Variants in SNX18 observed in about 807,000 individuals in gnomAD.
SNX18 encodes the protein sorting nexin-18.
Under a neutral mutation model 48.7 loss-of-function variants are expected in SNX18, and 35 were observed. The observed-to-expected ratio is 0.72, with a 90% confidence interval of 0.55 to 0.95. The LOEUF (loss-of-function observed/expected upper bound fraction) is 0.95, where lower values mean the gene tolerates loss of function less well. Among genes scored for constraint, SNX18 ranks in the 40% least tolerant of loss-of-function variants. The probability of loss-of-function intolerance (pLI) is 0.00; values close to 1 mark genes in which losing one functional copy is unlikely to be tolerated. For missense variants in SNX18, 824 were observed against 871.0 expected (o/e 0.95, Z 0.68); for synonymous variants, 492 against 384.7 (o/e 1.28, Z -3.26).
chr5:54,623,925 G>C, the SNX18 span, among the ~76,000 whole-genome samples: 1 of 152,110 alleles, frequency 6.6e-6, no homozygotes, highest in African/African-American at 2.4e-5. Flanking sequence ...CCAACTTTGA[G>C]GTATAGAAAC....
chr5:54,601,081 C>T, the SNX18 span, among the ~76,000 whole-genome samples: 7 of 148,032 alleles, frequency 4.7e-5, no homozygotes. Context: ...TCCCTCCCGT[C>T]CTCCCTCTGT....
the SNX18 span, among the ~76,000 whole-genome samples, chr5:54,618,299 TG>T: frequency 1.3e-5 from 2 of 152,236 alleles, no homozygotes; most frequent in Non-Finnish European, 2.9e-5. Flanking sequence ...ATTAAACCTC[TG>T]TCTTTTACAA....
At chr5:54,539,681 T>C (rs1170139461) in intron 1 of SNX18, among the ~76,000 whole-genome samples, 2 of 152,152 alleles carry the variant, frequency 1.3e-5, no homozygotes, top group African/African-American at 4.8e-5. Flanking sequence ...ATCAGTGTGC[T>C]CTATACATGC....
the SNX18 span, among the ~76,000 whole-genome samples, chr5:54,633,766 T>C: frequency 6.6e-6 from 1 of 152,226 alleles, no homozygotes; most frequent in Non-Finnish European, 1.5e-5. Context: ...GAGAGCTTAA[T>C]GGAGCTTGAA....
At chr5:54,609,332 G>A in the SNX18 span, among the ~76,000 whole-genome samples, 2 of 152,024 alleles carry the variant, frequency 1.3e-5, no homozygotes, top group Admixed American at 1.3e-4. Context: ...CACATTCTTG[G>A]TTATGATTTA....
chr5:54,543,155 A>G (rs1194510517), intron 1 of SNX18, 24 bp from the exon 2 acceptor site: 2 of 1,599,806 alleles, frequency 1.3e-6, no homozygotes, highest in Non-Finnish European at 1.7e-6. Flanking sequence ...TAGGTTTTTA[A>G]TTAATTGTTA....
At chr5:54,632,500 C>T in the SNX18 span, among the ~76,000 whole-genome samples, 12 of 152,200 alleles carry the variant, frequency 7.9e-5, no homozygotes, top group African/African-American at 2.9e-4. Flanking sequence ...CCCACACCCC[C>T]AGCCCAGCAC....
the SNX18 span, among the ~76,000 whole-genome samples, chr5:54,609,651 A>G: frequency 6.6e-6 from 1 of 152,104 alleles, no homozygotes; most frequent in African/African-American, 2.4e-5. Flanking sequence ...AAGGGCTGAG[A>G]TAAAAAAAAT....
chr5:54,631,020 G>A, the SNX18 span, among the ~76,000 whole-genome samples: 18 of 152,098 alleles, frequency 1.2e-4, no homozygotes, highest in Non-Finnish European at 2.2e-4. Flanking sequence ...AGGCAAAAAT[G>A]AATTTTAGAA....
the SNX18 span, among the ~76,000 whole-genome samples, chr5:54,603,121 G>A: frequency 6.6e-6 from 1 of 151,824 alleles, no homozygotes; most frequent in South Asian, 2.1e-4. Context: ...GTATCATATG[G>A]TATCTGCGTA....
At chr5:54,625,145 T>C in the SNX18 span, among the ~76,000 whole-genome samples, 2 of 152,156 alleles carry the variant, frequency 1.3e-5, no homozygotes, top group Admixed American at 6.5e-5. Flanking sequence ...TCTCAGGCCA[T>C]AGTGTGTATG....
chr5:54,639,329 T>C, the SNX18 span, among the ~76,000 whole-genome samples: 4 of 152,190 alleles, frequency 2.6e-5, no homozygotes, highest in Non-Finnish European at 4.4e-5. Context: ...TTAGAATCCA[T>C]ACATGTATTT....
chr5:54,549,308 A>G (rs1762619003), downstream of SNX18, among the ~76,000 whole-genome samples: 1 of 152,188 alleles, frequency 6.6e-6, no homozygotes, highest in African/African-American at 2.4e-5. Context: ...ATGGAAAATT[A>G]AGGAGTTCAC....
At chr5:54,538,725 G>A (rs547506374) in intron 1 of SNX18, among the ~76,000 whole-genome samples, 5 of 152,306 alleles carry the variant, frequency 3.3e-5, no homozygotes, top group African/African-American at 1.2e-4. Context: ...AACATTAACA[G>A]CCATTCGCTT....
chr5:54,520,133 A>G (rs1761990187), intron 1 of SNX18: 1 of 323,340 alleles, frequency 3.1e-6, no homozygotes, highest in Non-Finnish European at 6.0e-6. Flanking sequence ...AAGTGAAGTA[A>G]TTTCAGGAAA....
At chr5:54,585,342 G>A in the SNX18 span, among the ~76,000 whole-genome samples, 5 of 147,646 alleles carry the variant, frequency 3.4e-5, no homozygotes, top group East Asian at 2.0e-4. Flanking sequence ...TACATATCCC[G>A]ACAAACTCCC....
intron 1 of SNX18, among the ~76,000 whole-genome samples, chr5:54,534,251 T>TA (rs397811302): frequency 6.6e-6 from 1 of 151,290 alleles, no homozygotes; most frequent in African/African-American, 2.4e-5. Flanking sequence ...TTTTTTTTTT[T>TA]AAGGGAGAAA....
the SNX18 span, among the ~76,000 whole-genome samples, chr5:54,572,391 C>T: frequency 6.6e-6 from 1 of 152,094 alleles, no homozygotes; most frequent in Non-Finnish European, 1.5e-5. Flanking sequence ...GCTCTGAGGT[C>T]ATGGGGCACC....
chr5:54,638,229 T>C, the SNX18 span, among the ~76,000 whole-genome samples: 4 of 152,228 alleles, frequency 2.6e-5, no homozygotes, highest in Non-Finnish European at 4.4e-5. Flanking sequence ...ATATAGTTAA[T>C]GGTACTTTCT....
Sources: allele counts gnomAD v4.1 joint callset (sites outside exome capture counted in the v4.1 genomes callset), GRCh38; gene constraint gnomAD v4.1.1; transcripts MANE v1.5; gene names NCBI Gene and HGNC (gene_info 2026-07-23, HGNC 2026-07-21).